The following ZNG1A variants were observed in gnomAD, a reference collection of about 807,000 sequenced individuals.
ZNG1A encodes the protein Zn regulated GTPase metalloprotein activator 1A.
At chr9:152,665 T>C in the ZNG1A span, among the ~76,000 whole-genome samples, 3 of 152,084 alleles carry the variant, frequency 2.0e-5, no homozygotes, top group Non-Finnish European at 2.9e-5. Context: ...CTATAGAATA[T>C]GGCTTCGTAT....
chr9:172,331 A>G, the ZNG1A span: 99 of 821,244 alleles, frequency 1.2e-4, 1 homozygote, highest in South Asian at 1.2e-3. Flanking sequence ...TGTCCGTCCC[A>G]TATTTACCAG....
the ZNG1A span, chr9:160,131 A>G: frequency 4.4e-6 from 2 of 454,570 alleles, no homozygotes; most frequent in Non-Finnish European, 8.8e-6. Flanking sequence ...TAAGTTGTCC[A>G]ATTCTTTGCC....
chr9:174,836 G>C, the ZNG1A span, among the ~76,000 whole-genome samples: 1 of 150,734 alleles, frequency 6.6e-6, no homozygotes, highest in Non-Finnish European at 1.5e-5. Flanking sequence ...GAAGTATTGT[G>C]TCTAGAGCTA....
chr9:156,388 T>C, the ZNG1A span: 137 of 1,467,296 alleles, frequency 9.3e-5, 1 homozygote, highest in Middle Eastern at 2.5e-4. Flanking sequence ...TTGACTATGT[T>C]TTAAAATTTC....
At chr9:147,759 G>A in the ZNG1A span, 13,346 of 145,006 alleles carry the variant, frequency 0.092, 1,284 homozygotes, top group African/African-American at 0.22. Flanking sequence ...ACAGGTCACA[G>A]ACAAGGGGCA....
At chr9:125,032 C>G in the ZNG1A span, among the ~76,000 whole-genome samples, 3 of 152,212 alleles carry the variant, frequency 2.0e-5, no homozygotes, top group African/African-American at 7.2e-5. Flanking sequence ...GTGCACGTAT[C>G]TTTTTCGTAT....
chr9:177,722 C>A, the ZNG1A span: 29 of 1,516,232 alleles, frequency 1.9e-5, 1 homozygote, highest in Non-Finnish European at 2.5e-5. Flanking sequence ...TACTGACCTA[C>A]CAGTGAGCAA....
chr9:127,109 A>G, the ZNG1A span, among the ~76,000 whole-genome samples: 1 of 152,078 alleles, frequency 6.6e-6, no homozygotes, highest in Non-Finnish European at 1.5e-5. Context: ...CACATGGTCT[A>G]TCTTACAGAA....
At chr9:120,887 A>G in the ZNG1A span, among the ~76,000 whole-genome samples, 1 of 152,202 alleles carries the variant, frequency 6.6e-6, no homozygotes, top group African/African-American at 2.4e-5. Context: ...CCAAGAAAGT[A>G]CACTACAACT....
the ZNG1A span, among the ~76,000 whole-genome samples, chr9:173,657 A>T: frequency 6.6e-6 from 1 of 152,100 alleles, no homozygotes. Flanking sequence ...TAAAGTAGCT[A>T]TCTTGAAGGC....
the ZNG1A span, chr9:154,901 G>C: frequency 8.9e-7 from 1 of 1,121,718 alleles, no homozygotes; most frequent in South Asian, 1.5e-5. Flanking sequence ...AAATAAAAAC[G>C]CCTCATGTAG....
the ZNG1A span, chr9:167,749 A>G: frequency 6.7e-6 from 1 of 149,600 alleles, no homozygotes; most frequent in Non-Finnish European, 1.5e-5. Flanking sequence ...AGGAACAGTC[A>G]CCTGTTTCTC....
At chr9:144,427 G>C in the ZNG1A span, among the ~76,000 whole-genome samples, 20 of 150,862 alleles carry the variant, frequency 1.3e-4, no homozygotes, top group African/African-American at 4.4e-4. Context: ...ACAAACCTGA[G>C]AAAAACAAGC....
At chr9:127,845 G>C in the ZNG1A span, among the ~76,000 whole-genome samples, 3 of 152,276 alleles carry the variant, frequency 2.0e-5, no homozygotes, top group African/African-American at 7.2e-5. Context: ...TCCAGGATTT[G>C]TTTCAAGATT....
At chr9:158,474 C>T in the ZNG1A span, among the ~76,000 whole-genome samples, 5 of 145,700 alleles carry the variant, frequency 3.4e-5, no homozygotes, top group Admixed American at 1.3e-4. Flanking sequence ...TATGAAATTG[C>T]GGTTATTTGG....
At chr9:148,761 A>G in the ZNG1A span, 1 of 148,858 alleles carries the variant, frequency 6.7e-6, no homozygotes, top group Non-Finnish European at 1.5e-5. Context: ...ATTTTTCCCT[A>G]TGTCTAAAGG....
At chr9:157,648 G>T in the ZNG1A span, among the ~76,000 whole-genome samples, 1 of 150,418 alleles carries the variant, frequency 6.6e-6, no homozygotes, top group Non-Finnish European at 1.5e-5. Flanking sequence ...CAATCACAGG[G>T]ACTTTTTTTT....
At chr9:145,977 G>A in the ZNG1A span, 1 of 777,372 alleles carries the variant, frequency 1.3e-6, no homozygotes, top group East Asian at 2.6e-5. Context: ...CATTAAGAAT[G>A]GTCTTGTATG....
At chr9:141,098 C>T in the ZNG1A span, among the ~76,000 whole-genome samples, 1 of 136,764 alleles carries the variant, frequency 7.3e-6, no homozygotes, top group Non-Finnish European at 1.5e-5. Flanking sequence ...GAGAATGGAA[C>T]CAAGTTGGAA....
Sources: gnomAD v4.1 joint callset for allele counts (sites outside exome capture counted in the v4.1 genomes callset) on GRCh38, gnomAD v4.1.1 for gene constraint, MANE v1.5 for transcripts, NCBI Gene and HGNC (gene_info 2026-07-23, HGNC 2026-07-21) for gene names.